SAMD12: variants seen among roughly 807,000 people sequenced by gnomAD.
SAMD12 encodes sterile alpha motif domain containing 12.
SAMD12 carries 9 observed loss-of-function variants against 15.0 expected under a neutral mutation model. That is an observed-to-expected ratio of 0.60 (90% CI 0.36 to 1.05). SAMD12 has a LOEUF of 1.05. Among genes scored for constraint, SAMD12 ranks in the 50% least tolerant of loss-of-function variants. The pLI, the probability that SAMD12 is intolerant of heterozygous loss-of-function variation, is 0.01. For synonymous variants in SAMD12, 86 were observed against 90.1 expected (o/e 0.96, Z 0.25); for missense variants, 230 against 234.2 (o/e 0.98, Z 0.12).
intron 4 of SAMD12, among the ~76,000 whole-genome samples, chr8:118,228,530 GA>G (rs1415542046): frequency 6.6e-6 from 1 of 152,088 alleles, no homozygotes; most frequent in Non-Finnish European, 1.5e-5. Flanking sequence ...ATAAACATAT[GA>G]AAAAATGCTC....
chr8:118,560,755 G>A (rs765724851), intron 2 of SAMD12, among the ~76,000 whole-genome samples: 3 of 151,894 alleles, frequency 2.0e-5, no homozygotes, highest in East Asian at 1.9e-4. Flanking sequence ...GTGAATATGC[G>A]CATGTGAGAG....
At chr8:118,473,700 C>T (rs114098347) in intron 2 of SAMD12, among the ~76,000 whole-genome samples, 253 of 152,260 alleles carry the variant, frequency 1.7e-3, no homozygotes, top group African/African-American at 5.7e-3. Context: ...TGCACCTTCA[C>T]GCACAGGTCT....
intron 4 of SAMD12, among the ~76,000 whole-genome samples, chr8:118,238,961 G>T (rs1292836517): frequency 2.0e-5 from 3 of 152,098 alleles, no homozygotes; most frequent in Admixed American, 1.3e-4. Context: ...GGTGGAGCAG[G>T]TCTTTTTTTA....
rs1307130884 is a variant in SAMD12 at position 118,366,837 on chromosome 8, A to AT, written c.433+12722_433+12723insA. On this transcript the variant is annotated intron_variant, in intron 4 of 4. Coordinates refer to the SAMD12 transcript ENST00000409003. ...CAAATAAAATAAAATAAAATAAAAT[A>AT]AAATAAAATAAAATAAAATAAAATA... is the stretch of plus-strand genomic sequence containing the variant. 4.2e-4 allele frequency among the ~76,000 whole-genome samples: 46 copies of AT among 109,882 alleles called. 1 individual carries two copies. Among genetic ancestry groups the AT allele is most frequent in the African/African-American group, 1.7e-3 (44 of 26,198 alleles). The allele number at this position is 109,882 out of a possible 152,430, so 72.1% of individuals were successfully genotyped here. A position where few individuals can be genotyped will look rare whatever the true frequency, so the allele number is the denominator to read the frequency against.
intron 2 of SAMD12, among the ~76,000 whole-genome samples, chr8:118,532,714 G>C (rs1355103300): frequency 4.6e-5 from 7 of 152,178 alleles, no homozygotes; most frequent in Admixed American, 4.6e-4. Context: ...AGATTTTCTA[G>C]TTCATTTGCG....
At chr8:118,416,447 A>G (rs1451128039) in intron 3 of SAMD12, among the ~76,000 whole-genome samples, 2 of 152,038 alleles carry the variant, frequency 1.3e-5, no homozygotes, top group Non-Finnish European at 2.9e-5. Context: ...CATGCCCTAG[A>G]GAGTCAGGTG....
intron 4 of SAMD12, among the ~76,000 whole-genome samples, chr8:118,198,571 A>G (rs1221335488): frequency 4.6e-5 from 7 of 152,204 alleles, no homozygotes; most frequent in Non-Finnish European, 1.0e-4. Flanking sequence ...GCAAAAGAAA[A>G]AAAAATCTAC....
chr8:118,587,969 C>T (rs1827493653), intron 1 of SAMD12, among the ~76,000 whole-genome samples: 1 of 152,128 alleles, frequency 6.6e-6, no homozygotes, highest in African/African-American at 2.4e-5. Context: ...TTTCACAGCT[C>T]CTATTATGAC....
chr8:118,382,702 A>G (rs1339136938), intron 3 of SAMD12, among the ~76,000 whole-genome samples: 1 of 152,240 alleles, frequency 6.6e-6, no homozygotes, highest in Non-Finnish European at 1.5e-5. Flanking sequence ...TGGAAGAGAA[A>G]TTGAGAAGTT....
At chr8:118,555,189 C>T (rs761884705) in intron 2 of SAMD12, among the ~76,000 whole-genome samples, 8 of 152,170 alleles carry the variant, frequency 5.3e-5, no homozygotes, top group Non-Finnish European at 8.8e-5. Context: ...TCCTCACATC[C>T]ATTAATTATA....
At chr8:118,402,776 A>G (rs1387226608) in intron 3 of SAMD12, among the ~76,000 whole-genome samples, 2 of 152,218 alleles carry the variant, frequency 1.3e-5, no homozygotes, top group African/African-American at 4.8e-5. Context: ...CACTAAGACA[A>G]TCAGAGCAGA....
At chr8:118,425,208 G>A (rs1027498219) in intron 3 of SAMD12, among the ~76,000 whole-genome samples, 3 of 152,098 alleles carry the variant, frequency 2.0e-5, no homozygotes, top group African/African-American at 7.2e-5. Flanking sequence ...AAAGTGCTGG[G>A]ATTACAGGCG....
chr8:118,493,070 A>G (rs1206164569), intron 2 of SAMD12, among the ~76,000 whole-genome samples: 4 of 152,202 alleles, frequency 2.6e-5, no homozygotes, highest in Admixed American at 6.5e-5. Context: ...GCCTAAAACC[A>G]GTGATTTGTT....
the SAMD12 span, among the ~76,000 whole-genome samples, chr8:118,154,874 G>A: frequency 6.6e-6 from 1 of 152,108 alleles, no homozygotes; most frequent in South Asian, 2.1e-4. Context: ...TGCCAGCCTT[G>A]GTATAAAAAA....
intron 4 of SAMD12, among the ~76,000 whole-genome samples, chr8:118,314,912 T>G (rs1815812312): frequency 6.6e-6 from 1 of 152,222 alleles, no homozygotes; most frequent in Non-Finnish European, 1.5e-5. Context: ...GGTTTTTATT[T>G]TTTCTGGGAC....
At chr8:118,588,110 A>G (rs1467651535) in intron 1 of SAMD12, among the ~76,000 whole-genome samples, 1 of 152,236 alleles carries the variant, frequency 6.6e-6, no homozygotes, top group Non-Finnish European at 1.5e-5. Flanking sequence ...AGACCTGAGG[A>G]TGAAACTTTC....
intron 4 of SAMD12, among the ~76,000 whole-genome samples, chr8:118,270,438 G>C (rs924532158): frequency 6.6e-6 from 1 of 152,014 alleles, no homozygotes; most frequent in African/African-American, 2.4e-5. Context: ...ATAGACTTTA[G>C]TACCAGCAAT....
intron 4 of SAMD12, among the ~76,000 whole-genome samples, chr8:118,362,013 G>A (rs943112062): frequency 5.3e-5 from 8 of 151,980 alleles, no homozygotes; most frequent in African/African-American, 1.9e-4. Context: ...TGACAAAGAA[G>A]CAGAAATTGG....
At chr8:118,437,171 C>T (rs540285390) in intron 3 of SAMD12, among the ~76,000 whole-genome samples, 1 of 152,292 alleles carries the variant, frequency 6.6e-6, no homozygotes, top group Non-Finnish European at 1.5e-5. Context: ...GGTAAATGCA[C>T]ACTGGCTGAA....
Sources: allele counts gnomAD v4.1 joint callset (sites outside exome capture counted in the v4.1 genomes callset), GRCh38; gene constraint gnomAD v4.1.1; transcripts MANE v1.5; gene names NCBI Gene and HGNC (gene_info 2026-07-23, HGNC 2026-07-21).